GSK3B: variants seen among roughly 807,000 people sequenced by gnomAD.
GSK3B encodes glycogen synthase kinase-3 beta.
In GSK3B, 15 loss-of-function variants were observed where a neutral mutation model predicts 56.4. The observed-to-expected ratio is 0.27, with a 90% confidence interval of 0.18 to 0.41. The LOEUF (loss-of-function observed/expected upper bound fraction) is 0.41, where lower values mean the gene tolerates loss of function less well. GSK3B is among the 10% of genes least tolerant of loss of function. The pLI, the probability that GSK3B is intolerant of heterozygous loss-of-function variation, is 1.00. For synonymous variants in GSK3B, 181 were observed against 188.9 expected (o/e 0.96, Z 0.34); for missense variants, 300 against 513.4 (o/e 0.58, Z 4.02).
chr3:120,003,083 G>T (rs1004856122), intron 1 of GSK3B, among the ~76,000 whole-genome samples: 1 of 152,198 alleles, frequency 6.6e-6, no homozygotes, highest in Non-Finnish European at 1.5e-5. Flanking sequence ...CTCAGGTGGA[G>T]AAAAGAATGT....
intron 3 of GSK3B, among the ~76,000 whole-genome samples, chr3:119,940,339 A>C (rs1356626959): frequency 6.6e-6 from 1 of 152,096 alleles, no homozygotes; most frequent in African/African-American, 2.4e-5. Context: ...TTTATACTAT[A>C]CTGCTTCAAA....
intron 8 of GSK3B, among the ~76,000 whole-genome samples, chr3:119,866,309 C>G (rs1236748975): frequency 6.6e-6 from 1 of 152,088 alleles, no homozygotes; most frequent in East Asian, 1.9e-4. Context: ...TTTCATGGAT[C>G]TTCATCAATA....
At chr3:119,934,363 CCA>C (rs1385575588) in intron 3 of GSK3B, among the ~76,000 whole-genome samples, 7 of 152,084 alleles carry the variant, frequency 4.6e-5, no homozygotes, top group Non-Finnish European at 8.8e-5. Context: ...ACGTGTAACC[CCA>C]GTTTTATCAT....
intron 7 of GSK3B, among the ~76,000 whole-genome samples, chr3:119,899,236 C>A (rs905866330): frequency 6.6e-6 from 1 of 152,132 alleles, no homozygotes; most frequent in African/African-American, 2.4e-5. Flanking sequence ...CAGCATACTA[C>A]TCAGAACAGC....
At chr3:120,036,829 C>T (rs1008677624) in intron 1 of GSK3B, among the ~76,000 whole-genome samples, 1 of 147,010 alleles carries the variant, frequency 6.8e-6, no homozygotes, top group Non-Finnish European at 1.5e-5. Flanking sequence ...TCTATGCCAT[C>T]TAGCAGTTTT....
chr3:119,994,860 T>C (rs942521703), intron 2 of GSK3B, among the ~76,000 whole-genome samples: 6 of 152,130 alleles, frequency 3.9e-5, no homozygotes, highest in African/African-American at 1.2e-4. Context: ...CAACTGGAGA[T>C]ATTTCAATAA....
intron 1 of GSK3B, among the ~76,000 whole-genome samples, chr3:120,069,950 C>T (rs149327209): frequency 1.5e-3 from 232 of 152,270 alleles, no homozygotes; most frequent in Middle Eastern, 3.4e-3. Flanking sequence ...CGCGGTGGCT[C>T]ATGCCTGTAA....
At chr3:119,918,901 G>A (rs2056808613) in intron 4 of GSK3B, among the ~76,000 whole-genome samples, 1 of 152,110 alleles carries the variant, frequency 6.6e-6, no homozygotes, top group South Asian at 2.1e-4. Flanking sequence ...TCTTCTCTGT[G>A]CCATAATATC....
At chr3:120,008,697 A>G (rs796733087) in intron 1 of GSK3B, among the ~76,000 whole-genome samples, 9 of 152,312 alleles carry the variant, frequency 5.9e-5, no homozygotes, top group African/African-American at 2.2e-4. Context: ...CACCTTATAG[A>G]AAAATCAACT....
At chr3:120,060,047 C>A (rs1426692341) in intron 1 of GSK3B, among the ~76,000 whole-genome samples, 1 of 152,158 alleles carries the variant, frequency 6.6e-6, no homozygotes, top group South Asian at 2.1e-4. Context: ...CAATGAACTA[C>A]ACAGGCATTA....
intron 7 of GSK3B, among the ~76,000 whole-genome samples, chr3:119,900,080 A>G (rs2056611021): frequency 6.6e-6 from 1 of 152,130 alleles, no homozygotes; most frequent in Non-Finnish European, 1.5e-5. Context: ...AGAAAACTAA[A>G]CAGTAGTTTA....
At chr3:119,865,456 ATATATATATATTTTTTTTTTTTTT>A (rs2056166855) in intron 8 of GSK3B, among the ~76,000 whole-genome samples, 1 of 20,736 alleles carries the variant, frequency 4.8e-5, no homozygotes, top group Non-Finnish European at 1.3e-4. Context: ...ATATATATAT[ATATATATATATTTTTTTTTTTTTT>A]TTTTTTTTTG....
chr3:120,049,890 T>A (rs1266652706), intron 1 of GSK3B, among the ~76,000 whole-genome samples: 2 of 152,164 alleles, frequency 1.3e-5, no homozygotes, highest in Non-Finnish European at 2.9e-5. Context: ...AGACAATTAA[T>A]ACATAAACTA....
intron 9 of GSK3B, among the ~76,000 whole-genome samples, chr3:119,861,265 C>T (rs2056097141): frequency 1.3e-5 from 2 of 152,050 alleles, no homozygotes; most frequent in South Asian, 4.1e-4. Context: ...AATCCCAGCA[C>T]TTTGGGAGGC....
At chr3:119,922,212 A>AGGAAGGAAAGAAGGAG (rs2056848274) in intron 4 of GSK3B, among the ~76,000 whole-genome samples, 1 of 113,852 alleles carries the variant, frequency 8.8e-6, no homozygotes, top group African/African-American at 3.7e-5. Flanking sequence ...GAAGGAGGGA[A>AGGAAGGAAAGAAGGAG]GGAAGGAAGG....
In GSK3B at chr3:120,002,102, A is replaced by G. The variant is rs2057683074; in HGVS notation, c.226T>C (p.Cys76Arg). ...SFGVVYQAKL[C>R]DSGELVAIKK... ...ATGGCGACCAGTTCTCCTGAATCAC[A>G]AAGTTTGGCTTGATATACCACACCA... Residue 76 changes from cysteine to arginine, a missense_variant, in exon 2 of 11, where the codon TGT (cysteine) becomes CGT (arginine). Cys to Arg is a radical substitution (Grantham distance 180). This residue lies in a region of GSK3B where 20 missense variants were observed against 59.1 expected (regional missense o/e 0.34). Coordinates refer to ENST00000264235, the MANE Select transcript of GSK3B (RefSeq NM_001146156.2). 1.2e-6 allele frequency: 2 copies of G among 1,610,052 alleles called. No individual in the cohort carries two copies. Among genetic ancestry groups the G allele is most frequent in the African/African-American group, 2.7e-5 (2 of 74,526 alleles).
intron 1 of GSK3B, among the ~76,000 whole-genome samples, chr3:120,082,029 T>C (rs998654223): frequency 2.6e-5 from 4 of 152,284 alleles, no homozygotes; most frequent in African/African-American, 9.6e-5. Context: ...AAGGCAATCA[T>C]GGTAAGGACA....
chr3:120,064,931 T>G (rs2058267006), intron 1 of GSK3B, among the ~76,000 whole-genome samples: 2 of 152,180 alleles, frequency 1.3e-5, no homozygotes, highest in Admixed American at 1.3e-4. Flanking sequence ...AAATGGAGTT[T>G]GTACAACTAG....
intron 6 of GSK3B, among the ~76,000 whole-genome samples, chr3:119,909,426 A>G (rs946967830): frequency 6.6e-6 from 1 of 152,168 alleles, no homozygotes; most frequent in Non-Finnish European, 1.5e-5. Flanking sequence ...AACAATATGT[A>G]AGAGTAAAAT....
Sources: allele counts gnomAD v4.1 joint callset (sites outside exome capture counted in the v4.1 genomes callset), GRCh38; gene constraint gnomAD v4.1.1; regional missense constraint gnomAD v4.1.1; transcripts MANE v1.5; gene names NCBI Gene and HGNC (gene_info 2026-07-23, HGNC 2026-07-21).